Variants in GALNT10 observed in about 807,000 individuals in gnomAD.
GALNT10 encodes the protein GalNAc transferase 10.
In GALNT10, 41 loss-of-function variants were observed where a neutral mutation model predicts 75.0. The ratio of observed to expected loss-of-function variants is 0.55; its 90% CI spans 0.43 to 0.71. The LOEUF (loss-of-function observed/expected upper bound fraction) is 0.71, where lower values mean the gene tolerates loss of function less well. GALNT10 is among the 30% of genes least tolerant of loss of function. The probability of loss-of-function intolerance (pLI) is 0.00; values close to 1 mark genes in which losing one functional copy is unlikely to be tolerated. For missense variants in GALNT10, 727 were observed against 818.5 expected, an observed-to-expected ratio of 0.89 and a Z score of 1.36; for synonymous variants, 302 against 313.0, an observed-to-expected ratio of 0.96 and a Z score of 0.37.
chr5:154,364,926 C>T (rs1477219550), intron 4 of GALNT10, among the ~76,000 whole-genome samples: 1 of 152,134 alleles, frequency 6.6e-6, no homozygotes, highest in African/African-American at 2.4e-5. Context: ...GGTGGGGAGT[C>T]ACTTTCAGAA....
chr5:154,253,628 T>G (rs1052248549), intron 1 of GALNT10, among the ~76,000 whole-genome samples: 8 of 151,970 alleles, frequency 5.3e-5, no homozygotes, highest in Non-Finnish European at 8.8e-5. Flanking sequence ...TTATCCATAT[T>G]TTGGTGAAAT....
intron 1 of GALNT10, among the ~76,000 whole-genome samples, chr5:154,191,256 CAT>C (rs1774854410): frequency 6.6e-6 from 1 of 152,182 alleles, no homozygotes; most frequent in South Asian, 2.1e-4. Context: ...TTTCTCACCA[CAT>C]GTTACCACCT....
At chr5:154,282,383 C>T (rs971278816) in intron 1 of GALNT10, among the ~76,000 whole-genome samples, 8 of 152,322 alleles carry the variant, frequency 5.3e-5, no homozygotes, top group African/African-American at 1.7e-4. Context: ...CTCCACTCGC[C>T]TCTCATTGAC....
intron 4 of GALNT10, among the ~76,000 whole-genome samples, chr5:154,332,657 G>A (rs574819989): frequency 2.0e-5 from 3 of 152,318 alleles, no homozygotes; most frequent in African/African-American, 7.2e-5. Flanking sequence ...GATGCATGAG[G>A]AGGGAGGGAG....
intron 1 of GALNT10, among the ~76,000 whole-genome samples, chr5:154,293,069 A>G (rs1754219297): frequency 6.6e-6 from 1 of 152,204 alleles, no homozygotes; most frequent in African/African-American, 2.4e-5. Flanking sequence ...GAAAGAATAC[A>G]AAGGATTGTT....
chr5:154,192,496 A>C (rs1309660825), intron 1 of GALNT10, among the ~76,000 whole-genome samples: 1 of 152,240 alleles, frequency 6.6e-6, no homozygotes, highest in Non-Finnish European at 1.5e-5. Flanking sequence ...CAGGAGTTCC[A>C]GGGTTCTGAC....
chr5:154,387,699 G>C (rs571638714), intron 7 of GALNT10: 2 of 151,990 alleles, frequency 1.3e-5, no homozygotes, highest in Admixed American at 1.3e-4. Context: ...GATTAAGTGA[G>C]ACCATGCTTA....
At chr5:154,369,880 C>T (rs1173274299) in intron 4 of GALNT10, among the ~76,000 whole-genome samples, 2 of 152,216 alleles carry the variant, frequency 1.3e-5, no homozygotes, top group African/African-American at 2.4e-5. Flanking sequence ...CTTCTTCCCT[C>T]TTGGGCTGCT....
chr5:154,194,297 G>GT (rs144868182), intron 1 of GALNT10, among the ~76,000 whole-genome samples: 24,345 of 152,078 alleles, frequency 0.16, 1,995 homozygotes, highest in African/African-American at 0.19. Flanking sequence ...AGAAATCAAT[G>GT]TTTTTTTCTC....
chr5:154,368,412 A>C (rs1266318121), intron 4 of GALNT10, among the ~76,000 whole-genome samples: 4 of 152,210 alleles, frequency 2.6e-5, no homozygotes, highest in Non-Finnish European at 4.4e-5. Flanking sequence ...AAATGGGTGA[A>C]TTGCATAATA....
At chr5:154,329,421 TCCTGTGTGA>T in intron 3 of GALNT10, 142 bp from the exon 4 acceptor site, 1 of 630,270 alleles carries the variant, frequency 1.6e-6, no homozygotes, top group Non-Finnish European at 2.9e-6. Context: ...ATGTAGAAGT[TCCTGTGTGA>T]CCAAGGTATC....
At position 154,420,282 on chromosome 5, in the gene GALNT10, C is replaced by T; in HGVS notation, c.*3310C>T. On this transcript the variant is annotated 3_prime_UTR_variant, in exon 12 of 12. Transcript: ENST00000297107. ...GGATTTCCAAAGTCTACATGACATT[C>T]ACTTTTCAAACTTCCCACCAGTTGA... The T allele has an allele frequency of 6.6e-6, 1 of 152,250 alleles. No individual in the cohort carries two copies. The highest frequency in any genetic ancestry group is 1.9e-4 in the East Asian group (1 of 5,200). The allele number at this position is 152,250 out of a possible 1,614,324, so 9.4% of individuals were successfully genotyped here. A position where few individuals can be genotyped will look rare whatever the true frequency, so the allele number is the denominator to read the frequency against.
chr5:154,295,739 C>T (rs1754263199), intron 2 of GALNT10, among the ~76,000 whole-genome samples: 2 of 152,180 alleles, frequency 1.3e-5, no homozygotes, highest in African/African-American at 2.4e-5. Context: ...ACTCCCAGAG[C>T]CTCAGTTTTT....
At chr5:154,236,298 C>T (rs956178137) in intron 1 of GALNT10, among the ~76,000 whole-genome samples, 8 of 152,174 alleles carry the variant, frequency 5.3e-5, no homozygotes, top group Non-Finnish European at 5.9e-5. Flanking sequence ...GTGAGATAAT[C>T]CATGTAAAAT....
chr5:154,211,638 C>G lies in GALNT10; in HGVS notation c.159+20613C>G, dbSNP rs556542204. Among the ~76,000 whole-genome samples, 4 of 152,264 alleles carry G rather than the reference C, an allele frequency of 2.6e-5. No individual in the cohort carries two copies. The South Asian group carries it at 8.3e-4, about 32-fold the overall frequency. On this transcript the variant is annotated intron_variant, in intron 1 of 11. Coordinates refer to ENST00000297107, the MANE Select transcript of GALNT10 (RefSeq NM_198321.4). ...CTGTGGGTCAGAAATTTGGGCTTAG[C>G]TGGGTGGTGGTGGTACAGTGTCTCT... is the stretch of plus-strand genomic sequence containing the variant.
chr5:154,387,163 C>T (rs1413550514), intron 7 of GALNT10: 1 of 152,224 alleles, frequency 6.6e-6, no homozygotes, highest in East Asian at 1.9e-4. Context: ...CTGTAACCTA[C>T]TTGACCAGCC....
At chr5:154,254,373 G>C (rs1248600973) in intron 1 of GALNT10, among the ~76,000 whole-genome samples, 3 of 152,114 alleles carry the variant, frequency 2.0e-5, no homozygotes, top group South Asian at 4.1e-4. Flanking sequence ...ATATATAGTA[G>C]ATGCTCATAA....
At chr5:154,240,198 G>C (rs1336612738) in intron 1 of GALNT10, among the ~76,000 whole-genome samples, 2 of 152,206 alleles carry the variant, frequency 1.3e-5, no homozygotes, top group Non-Finnish European at 2.9e-5. Context: ...TGGGGTGACA[G>C]ACAGACACAA....
rs1755812058 is a variant in GALNT10, at chr5:154,386,675, G to T, written c.1056+245G>T. 1.9e-5 allele frequency: 11 copies of T among 584,664 alleles called. No homozygotes were observed. In the East Asian group the frequency reaches 2.9e-4, roughly 15 times the overall value. 36.2% of individuals were successfully genotyped at this position (584,664 alleles called of 1,614,324 possible). A position where few individuals can be genotyped will look rare whatever the true frequency, so the allele number is the denominator to read the frequency against. ...CTGGTCCTCACCACAGCTCTGACTG[G>T]CATTTGCCTTGTGTCTTCTTAAGAT... is the stretch of plus-strand genomic sequence containing the variant. On this transcript the variant is annotated intron_variant, in intron 7 of 11. Coordinates refer to ENST00000297107, the MANE Select transcript of GALNT10 (RefSeq NM_198321.4).
Sources: gnomAD v4.1 joint callset for allele counts (sites outside exome capture counted in the v4.1 genomes callset) on GRCh38, gnomAD v4.1.1 for gene constraint, MANE v1.5 for transcripts, NCBI Gene and HGNC (gene_info 2026-07-23, HGNC 2026-07-21) for gene names.